The following SAMD3 variants were observed in gnomAD, a reference collection of about 807,000 sequenced individuals.
SAMD3 encodes the protein sterile alpha motif domain containing 3.
Under a neutral mutation model 58.5 loss-of-function variants are expected in SAMD3, and 63 were observed. The ratio of observed to expected loss-of-function variants is 1.08; its 90% confidence interval spans 0.88 to 1.33. The LOEUF (loss-of-function observed/expected upper bound fraction) is 1.33. Ranked by LOEUF, SAMD3 falls within the 40% of genes most tolerant of loss-of-function variation. The pLI is 0.00. For synonymous variants in SAMD3, 220 were observed against 210.3 expected (o/e 1.05, Z -0.40); for missense variants, 604 against 608.4 (o/e 0.99, Z 0.08).
At chr6:130,364,624 G>C (rs1313302919) in intron 1 of SAMD3, among the ~76,000 whole-genome samples, 4 of 151,764 alleles carry the variant, frequency 2.6e-5, no homozygotes, top group Non-Finnish European at 5.9e-5. Flanking sequence ...AGATGCAGGT[G>C]GGGTAAAAAT....
Position 130,144,403 on chromosome 6 carries a change from T to C in SAMD3, c.*117A>G, listed in dbSNP as rs1788426174. ...GAAAGCATTGAAATTCATTAGCATC[T>C]ATAAATACAAGATGATTTTCTCATA... On this transcript the variant is annotated 3_prime_UTR_variant, in exon 12 of 12. Transcript: ENST00000439090. The C allele has an allele frequency of 1.1e-6, 1 of 877,336 alleles. No homozygotes were observed. The highest frequency in any genetic ancestry group is 1.7e-6 in the Non-Finnish European group (1 of 577,914). The allele number at this position is 877,336 out of a possible 1,614,324, so 54.3% of individuals were successfully genotyped here. A position where few individuals can be genotyped will look rare whatever the true frequency, so the allele number is the denominator to read the frequency against.
At chr6:130,291,119 C>G (rs1775347098) in intron 2 of SAMD3, among the ~76,000 whole-genome samples, 1 of 152,116 alleles carries the variant, frequency 6.6e-6, no homozygotes, top group Non-Finnish European at 1.5e-5. Context: ...GAGAAGGAGT[C>G]TCACTCTGTC....
chr6:130,168,667 T>A (rs1426219469), intron 8 of SAMD3, among the ~76,000 whole-genome samples: 1 of 152,232 alleles, frequency 6.6e-6, no homozygotes, highest in Non-Finnish European at 1.5e-5. Context: ...CTTGCCTGCA[T>A]CAACATTTTC....
At chr6:130,240,904 TAG>T (rs761334583) in intron 2 of SAMD3, among the ~76,000 whole-genome samples, 41 of 152,170 alleles carry the variant, frequency 2.7e-4, no homozygotes, top group Non-Finnish European at 5.1e-4. Context: ...TATTCTATTA[TAG>T]CAGCATGAAA....
chr6:130,351,977 A>G (rs1467286705), intron 1 of SAMD3, among the ~76,000 whole-genome samples: 1 of 148,906 alleles, frequency 6.7e-6, no homozygotes, highest in Non-Finnish European at 1.5e-5. Flanking sequence ...AAAACCAAAC[A>G]CCGCATTTTC....
At chr6:130,143,355 C>G (rs544957656), downstream of SAMD3, among the ~76,000 whole-genome samples, 2 of 152,188 alleles carry the variant, frequency 1.3e-5, no homozygotes, top group African/African-American at 4.8e-5. Context: ...AAGCAGTTCT[C>G]CTGCCTCAGC....
At position 130,150,532 on chromosome 6, in the gene SAMD3, G is replaced by C. The variant is rs376143981; in HGVS notation, c.1023+4293C>G. 2.6e-5 allele frequency among the ~76,000 whole-genome samples: 4 copies of C among 152,144 alleles called. No individual in the cohort carries two copies. The East Asian group carries it at 7.7e-4, about 29-fold the overall frequency. ...GCAGATAAATTATGGTGGATCTTCT[G>C]GTCCTGTCAGACTTGATTTTATCAT... On this transcript the variant is annotated intron_variant, in intron 9 of 11. Transcript: ENST00000439090.
At chr6:130,211,519 A>G (rs562237130) in intron 4 of SAMD3, among the ~76,000 whole-genome samples, 3 of 151,990 alleles carry the variant, frequency 2.0e-5, no homozygotes, top group African/African-American at 7.2e-5. Flanking sequence ...CCTGACCTCA[A>G]GTGATCTGCC....
intron 2 of SAMD3, among the ~76,000 whole-genome samples, chr6:130,242,007 T>C (rs1160644866): frequency 6.6e-6 from 1 of 152,192 alleles, no homozygotes; most frequent in Non-Finnish European, 1.5e-5. Context: ...ATTCGTTTAA[T>C]GTAGCTCTGA....
At chr6:130,351,123 C>T (rs202183178) in intron 1 of SAMD3, among the ~76,000 whole-genome samples, 5 of 151,982 alleles carry the variant, frequency 3.3e-5, no homozygotes, top group South Asian at 2.1e-4. Flanking sequence ...CATAAAAACC[C>T]GAGAAGAAAA....
In SAMD3 at chr6:130,196,105, C is replaced by T. The variant is rs537464978; in HGVS notation, c.384-11482G>A. Among the ~76,000 whole-genome samples, 29 of 152,230 alleles carry T rather than the reference C, an allele frequency of 1.9e-4. No individual in the cohort carries two copies. The South Asian group carries it at 4.4e-3, about 23-fold the overall frequency. On this transcript the variant is annotated intron_variant, in intron 5 of 11. Transcript: ENST00000439090. ...GTCAGAATTTTTACAGGACTGGGAT[C>T]GCGTCCTGTAGCCTTTTTGTCCAAA...
At chr6:130,278,518 GA>G (rs1369808577) in intron 2 of SAMD3, among the ~76,000 whole-genome samples, 1 of 152,142 alleles carries the variant, frequency 6.6e-6, no homozygotes, top group African/African-American at 2.4e-5. Context: ...TTCCATTGCA[GA>G]GTTGTTTTCT....
chr6:130,184,874 A>G (rs1792787671), intron 5 of SAMD3, among the ~76,000 whole-genome samples: 1 of 152,248 alleles, frequency 6.6e-6, no homozygotes, highest in African/African-American at 2.4e-5. Flanking sequence ...ACTTTAGAAT[A>G]AAGCCTGAAG....
chr6:130,318,674 T>C (rs6913407), intron 1 of SAMD3, among the ~76,000 whole-genome samples: 64,484 of 151,824 alleles, frequency 0.42, 15,284 homozygotes, highest in African/African-American at 0.64. Flanking sequence ...AGTGATCTGC[T>C]CACCTTGTCC....
intron 2 of SAMD3, among the ~76,000 whole-genome samples, chr6:130,252,135 C>G (rs76406830): frequency 1.3e-5 from 2 of 151,986 alleles, no homozygotes; most frequent in Non-Finnish European, 2.9e-5. Context: ...TTGACCCTTT[C>G]ATTATAAAAT....
At position 130,214,434 on chromosome 6, in the gene SAMD3, C is replaced by T; in HGVS notation, c.172G>A (p.Asp58Asn). The T allele has an allele frequency of 6.2e-7, 1 of 1,613,184 alleles. No homozygotes were observed. Among genetic ancestry groups the T allele is most frequent in the South Asian group, 1.1e-5 (1 of 90,974 alleles). ...TTCTGCTTGTATTTTTTAATTAAAT[C>T]CATCAGAACAGCCTGGTGCCCAATT... is the stretch of plus-strand genomic sequence containing the variant. ...KKIGHQAVLMDLIKKYKQNTQ... is the reference protein window; with the variant it reads ...KKIGHQAVLMNLIKKYKQNTQ... Residue 58 changes from aspartate to asparagine, a missense_variant, in exon 4 of 12, where the codon GAT becomes AAT. Physicochemically the swap from Asp to Asn is conservative, Grantham distance 23. Transcript: ENST00000439090.
At chr6:130,169,185 T>A (rs754411167) in intron 8 of SAMD3, among the ~76,000 whole-genome samples, 4 of 152,050 alleles carry the variant, frequency 2.6e-5, no homozygotes, top group South Asian at 2.1e-4. Flanking sequence ...ATGTTGGTAA[T>A]CACTCTGAAA....
At chr6:130,187,560 C>G (rs1166147600) in intron 5 of SAMD3, among the ~76,000 whole-genome samples, 1 of 152,106 alleles carries the variant, frequency 6.6e-6, no homozygotes, top group Non-Finnish European at 1.5e-5. Context: ...GAGTATTACA[C>G]ACGAAAAGTG....
At chr6:130,331,247 G>C (rs530969762) in intron 1 of SAMD3, among the ~76,000 whole-genome samples, 1 of 152,148 alleles carries the variant, frequency 6.6e-6, no homozygotes, top group Non-Finnish European at 1.5e-5. Context: ...CATTGCTTTG[G>C]ATATTCTGTA....
Sources: allele counts gnomAD v4.1 joint callset (sites outside exome capture counted in the v4.1 genomes callset), GRCh38; gene constraint gnomAD v4.1.1; transcripts MANE v1.5; gene names NCBI Gene and HGNC (gene_info 2026-07-23, HGNC 2026-07-21).